KLHL1: variants seen among roughly 807,000 people sequenced by gnomAD.
The protein encoded by KLHL1 is kelch-like protein 1.
A neutral mutation model predicts 77.7 loss-of-function variants in KLHL1; 47 were observed. The observed-to-expected ratio is 0.60, with a 90% CI of 0.48 to 0.77. The LOEUF is 0.77. KLHL1 is among the 30% of genes least tolerant of loss of function. KLHL1 has a pLI of 0.00. For synonymous variants in KLHL1, 360 were observed against 325.2 expected, an observed-to-expected ratio of 1.11 and a Z score of -1.15; for missense variants, 925 against 910.8, an observed-to-expected ratio of 1.02 and a Z score of -0.20.
intron 1 of KLHL1, among the ~76,000 whole-genome samples, chr13:70,055,239 T>G (rs1886716851): frequency 6.6e-6 from 1 of 152,002 alleles, no homozygotes. Context: ...AGTGAGAACC[T>G]CACAGTCCAG....
rs1013075428 is a variant in KLHL1 at position 69,938,966 on chromosome 13, C to A, written c.1014+1074G>T. 2.6e-5 allele frequency among the ~76,000 whole-genome samples: 4 copies of A among 152,012 alleles called. No homozygotes were observed. In the East Asian group the frequency reaches 7.8e-4, roughly 29 times the overall value. On this transcript the variant is annotated intron_variant, in intron 4 of 10. Transcript: ENST00000377844. ...AATAAATAGCAACCATAAAGCTTAA[C>A]AATATTTATCTCATTTTAATTCTTT... is the stretch of plus-strand genomic sequence containing the variant.
intron 4 of KLHL1, among the ~76,000 whole-genome samples, chr13:69,925,420 C>T (rs1017128194): frequency 6.6e-6 from 1 of 152,110 alleles, no homozygotes; most frequent in Non-Finnish European, 1.5e-5. Context: ...TATTTTAGTG[C>T]AATCATGAAG....
At chr13:69,728,818 T>A in intron 8 of KLHL1, among the ~76,000 whole-genome samples, 1 of 151,430 alleles carries the variant, frequency 6.6e-6, no homozygotes, top group East Asian at 2.0e-4. Flanking sequence ...AAAAAAAAAA[T>A]TATTAACATG....
chr13:70,023,360 GT>G (rs1885850518), intron 1 of KLHL1, among the ~76,000 whole-genome samples: 1 of 151,768 alleles, frequency 6.6e-6, no homozygotes, highest in South Asian at 2.1e-4. Context: ...TTGGTAGTGT[GT>G]TGACACCATC....
chr13:69,892,707 G>A lies in KLHL1; in HGVS notation c.1015-10212C>T, dbSNP rs536828479. Among the ~76,000 whole-genome samples, 13 of 152,126 alleles carry A rather than the reference G, an allele frequency of 8.5e-5. No individual in the cohort carries two copies. The East Asian group carries it at 1.9e-3, about 23-fold the overall frequency. On this transcript the variant is annotated intron_variant, in intron 4 of 10. Coordinates refer to ENST00000377844, the MANE Select transcript of KLHL1 (RefSeq NM_020866.3). Reference sequence around the variant, plus strand: ...TGCTTATATGCATAAATGATACTTCGGGAAAGCCTGTTATATGCATAATCA... The same window carrying A: ...TGCTTATATGCATAAATGATACTTCAGGAAAGCCTGTTATATGCATAATCA...
intron 5 of KLHL1, among the ~76,000 whole-genome samples, chr13:69,857,771 A>G (rs1879978596): frequency 6.6e-6 from 1 of 151,942 alleles, no homozygotes; most frequent in South Asian, 2.1e-4. Context: ...GAAAAGACTT[A>G]TTGATATCCT....
intron 1 of KLHL1, among the ~76,000 whole-genome samples, chr13:70,036,434 A>G (rs574538628): frequency 1.3e-5 from 2 of 152,128 alleles, no homozygotes; most frequent in East Asian, 3.9e-4. Context: ...TGTCCCAAAT[A>G]TAATAACTAT....
chr13:69,826,371 T>C (rs1593865455), intron 6 of KLHL1, among the ~76,000 whole-genome samples: 1 of 152,158 alleles, frequency 6.6e-6, no homozygotes, highest in South Asian at 2.1e-4. Flanking sequence ...GATCACTTGA[T>C]GTCAGGAGTT....
chr13:69,849,353 T>C (rs1181069661), intron 5 of KLHL1, among the ~76,000 whole-genome samples: 1 of 151,492 alleles, frequency 6.6e-6, no homozygotes, highest in East Asian at 1.9e-4. Context: ...ATATAACTCT[T>C]TTTAATCTAT....
intron 5 of KLHL1, among the ~76,000 whole-genome samples, chr13:69,839,769 G>A (rs1370269811): frequency 3.9e-5 from 6 of 151,946 alleles, no homozygotes; most frequent in African/African-American, 7.2e-5. Context: ...CCAATAGAGT[G>A]AGACCAGTAG....
At chr13:70,003,783 T>C (rs983935622) in intron 1 of KLHL1, among the ~76,000 whole-genome samples, 1 of 151,604 alleles carries the variant, frequency 6.6e-6, no homozygotes, top group African/African-American at 2.4e-5. Context: ...AACAAGTAAA[T>C]GAATGAGATA....
At chr13:69,728,663 C>T (rs1566188247) in intron 8 of KLHL1, among the ~76,000 whole-genome samples, 1 of 137,696 alleles carries the variant, frequency 7.3e-6, no homozygotes, top group African/African-American at 3.0e-5. Context: ...AAAAAAAAAG[C>T]AAAGTGTGGT....
chr13:70,088,316 A>C lies in KLHL1; in HGVS notation c.497+18887T>G, dbSNP rs1887593915. On this transcript the variant is annotated intron_variant, in intron 1 of 10. Transcript: ENST00000377844. Reference sequence around the variant, plus strand: ...ACAGATGTGTAAAGTGGAGGTGATGATAATGATCCTTCCTCATAGGAGAGC... The same window carrying C: ...ACAGATGTGTAAAGTGGAGGTGATGCTAATGATCCTTCCTCATAGGAGAGC... Among the ~76,000 whole-genome samples the C allele has an allele frequency of 2.0e-5, 3 of 152,218 alleles. No homozygotes were observed. The South Asian group carries it at 6.2e-4, about 31-fold the overall frequency.
At chr13:70,086,281 C>CAA (rs71707367) in intron 1 of KLHL1, among the ~76,000 whole-genome samples, 2,274 of 145,630 alleles carry the variant, frequency 0.016, 50 homozygotes, top group African/African-American at 0.054. Context: ...TAAAAAGTTT[C>CAA]AAAAAAAAAA....
At chr13:70,041,318 C>A (rs956724642) in intron 1 of KLHL1, among the ~76,000 whole-genome samples, 4 of 152,190 alleles carry the variant, frequency 2.6e-5, no homozygotes, top group African/African-American at 9.6e-5. Flanking sequence ...AGTTGCAACC[C>A]AGGTGTTATA....
chr13:69,944,949 C>G (rs189885649), intron 3 of KLHL1, among the ~76,000 whole-genome samples: 1 of 145,514 alleles, frequency 6.9e-6, no homozygotes, highest in Non-Finnish European at 1.5e-5. Context: ...GATCACGAAG[C>G]TAAATTCAAA....
chr13:70,030,252 C>T (rs1295794971), intron 1 of KLHL1, among the ~76,000 whole-genome samples: 4 of 152,184 alleles, frequency 2.6e-5, no homozygotes, highest in African/African-American at 9.7e-5. Flanking sequence ...ACCTAATAGA[C>T]ATCTACAGAA....
In KLHL1 at chr13:69,923,554, A is replaced by G. The variant is rs148037550; in HGVS notation, c.1014+16486T>C. On this transcript the variant is annotated intron_variant, in intron 4 of 10. Transcript: ENST00000377844. The stretch of plus-strand genomic sequence containing the variant: ...ATTTTTAAAGTGCCATCTTGAATTA[A>G]AATGATTATTATTACTACTATGTTA... Among the ~76,000 whole-genome samples the G allele has an allele frequency of 1.0e-2, 1,517 of 152,300 alleles. 11 individuals are homozygous for G. Among genetic ancestry groups the G allele is most frequent in the Middle Eastern group, 0.044 (13 of 294 alleles).
At chr13:69,868,491 GA>G (rs1880457266) in intron 5 of KLHL1, among the ~76,000 whole-genome samples, 1 of 151,952 alleles carries the variant, frequency 6.6e-6, no homozygotes, top group Admixed American at 6.6e-5. Flanking sequence ...AAATTTAAAT[GA>G]AACATTTATG....
Sources: gnomAD v4.1 joint callset for allele counts (sites outside exome capture counted in the v4.1 genomes callset) on GRCh38, gnomAD v4.1.1 for gene constraint, MANE v1.5 for transcripts, NCBI Gene and HGNC (gene_info 2026-07-23, HGNC 2026-07-21) for gene names.